RGS21: variants seen among roughly 807,000 people sequenced by gnomAD.
The protein encoded by RGS21 is regulator of G protein signaling 21, also known as regulator of G-protein signalling 21.
Under a neutral mutation model 18.7 loss-of-function variants are expected in RGS21, and 19 were observed. The observed-to-expected ratio is 1.01, with a 90% CI of 0.71 to 1.49. RGS21 has a LOEUF of 1.49. Among genes scored for constraint, RGS21 ranks in the 40% most tolerant of loss-of-function variants. RGS21 has a pLI of 0.00. For synonymous variants in RGS21, 56 were observed against 57.8 expected (o/e 0.97, Z 0.14); for missense variants, 194 against 176.8 (o/e 1.10, Z -0.55).
At chr1:192,348,475 G>T (rs1303218250) in intron 3 of RGS21, among the ~76,000 whole-genome samples, 1 of 152,138 alleles carries the variant, frequency 6.6e-6, no homozygotes, top group Non-Finnish European at 1.5e-5. Flanking sequence ...TATATCAACT[G>T]TGTTATTCTC....
intron 1 of RGS21, among the ~76,000 whole-genome samples, chr1:192,331,429 C>A (rs1389235849): frequency 6.6e-6 from 1 of 151,940 alleles, no homozygotes; most frequent in Non-Finnish European, 1.5e-5. Flanking sequence ...CGCCTGTAGT[C>A]CCAGCTACTT....
Position 192,355,618 on chromosome 1 carries a change from G to T in RGS21, c.255+3405G>T, listed in dbSNP as rs182763867. ...TATTAGAGAAATAGATATTTTTAAA[G>T]TATCTCTACTTTGTACATACTAATA... On this transcript the variant is annotated intron_variant, in intron 4 of 4. Coordinates refer to ENST00000417209, the MANE Select transcript of RGS21 (RefSeq NM_001039152.3). Among the ~76,000 whole-genome samples the T allele has an allele frequency of 1.8e-4, 27 of 151,424 alleles. No homozygotes were observed. The East Asian group carries it at 3.7e-3, about 21-fold the overall frequency.
intron 2 of RGS21, among the ~76,000 whole-genome samples, chr1:192,345,892 G>T (rs986929415): frequency 1.3e-5 from 2 of 151,904 alleles, no homozygotes; most frequent in South Asian, 2.1e-4. Context: ...TGAGTAACAG[G>T]TTATAGAGTA....
chr1:192,332,911 C>A (rs1467610973), intron 1 of RGS21, among the ~76,000 whole-genome samples: 4 of 151,628 alleles, frequency 2.6e-5, no homozygotes, highest in Admixed American at 2.6e-4. Context: ...GAGCAAGATA[C>A]TCTCCTCCTA....
intron 3 of RGS21, among the ~76,000 whole-genome samples, chr1:192,350,654 T>C (rs1659028245): frequency 6.6e-6 from 1 of 152,162 alleles, no homozygotes; most frequent in Non-Finnish European, 1.5e-5. Context: ...TCCTCAGAGA[T>C]ATACATTCTC....
chr1:192,352,115 G>A lies in RGS21; in HGVS notation c.157G>A (p.Ala53Thr), dbSNP rs1194924000. The A allele has an allele frequency of 6.2e-7, 1 of 1,610,560 alleles. No homozygotes were observed. The highest frequency in any genetic ancestry group is 1.3e-5 in the African/African-American group (1 of 74,776). Residue 53 changes from alanine (A) to threonine (T), a missense_variant, in exon 4 of 5, where the codon GCC becomes ACC. By Grantham distance (58) the Ala-to-Thr change is moderately conservative (BLOSUM62 0). Coordinates refer to ENST00000417209, the MANE Select transcript of RGS21 (RefSeq NM_001039152.3). Reference protein sequence around the residue: ...FSEENVEFWLACEDFKKTKNA... With the variant: ...FSEENVEFWLTCEDFKKTKNA... ...TGAAGAAAATGTTGAGTTCTGGCTT[G>A]CCTGTGAAGACTTTAAGAAAACGAA... is the stretch of plus-strand genomic sequence containing the variant.
chr1:192,356,631 C>T (rs551799293), intron 4 of RGS21, among the ~76,000 whole-genome samples: 1 of 151,752 alleles, frequency 6.6e-6, no homozygotes, highest in South Asian at 2.1e-4. Context: ...TAAACTGAGT[C>T]TTGGGGGAAG....
In RGS21 at chr1:192,365,904, A is replaced by C. The variant is rs757277157; in HGVS notation, c.256-17A>C. The C allele has an allele frequency of 6.9e-7, 1 of 1,440,270 alleles. No homozygotes were observed. Among genetic ancestry groups the C allele is most frequent in the Non-Finnish European group, 9.7e-7 (1 of 1,027,202 alleles). The allele number at this position is 1,440,270 out of a possible 1,614,324, so 89.2% of individuals were successfully genotyped here. ...TGATTAAACTAATTCAATGATATGC[A>C]ACCTTATTTTCCACAGATTAACATT... On this transcript the variant is annotated splice_polypyrimidine_tract_variant and intron_variant, in intron 4 of 4. Transcript: ENST00000417209.
chr1:192,354,914 A>G (rs1184810085), intron 4 of RGS21, among the ~76,000 whole-genome samples: 1 of 151,760 alleles, frequency 6.6e-6, no homozygotes, highest in African/African-American at 2.4e-5. Context: ...AACTTACTAA[A>G]TTATCCCTGA....
Position 192,352,192 on chromosome 1 carries a change from T to C in RGS21, c.234T>C (p.Ile78=). 1 of 1,608,040 alleles carries C rather than the reference T, an allele frequency of 6.2e-7. No homozygotes were observed. Among genetic ancestry groups the C allele is most frequent in the African/African-American group, 1.3e-5 (1 of 74,824 alleles). ...SKAKMIYSEF[I]EADAPKEINI... Reference sequence around the variant, plus strand: ...CCAAGATGATTTATTCTGAATTCATTGAAGCTGATGCACCTAAAGAGGTGA... The same window carrying C: ...CCAAGATGATTTATTCTGAATTCATCGAAGCTGATGCACCTAAAGAGGTGA... Residue 78 remains isoleucine, a synonymous_variant, in exon 4 of 5, where the codon ATT becomes ATC. Coordinates refer to ENST00000417209, the MANE Select transcript of RGS21 (RefSeq NM_001039152.3).
intron 1 of RGS21, among the ~76,000 whole-genome samples, chr1:192,342,448 T>C (rs1021773099): frequency 3.9e-5 from 6 of 151,984 alleles, no homozygotes; most frequent in African/African-American, 1.4e-4. Flanking sequence ...AAAAACTGCA[T>C]AAATTTCAAA....
At chr1:192,353,359 A>G (rs1256064410) in intron 4 of RGS21, among the ~76,000 whole-genome samples, 2 of 151,842 alleles carry the variant, frequency 1.3e-5, no homozygotes, top group African/African-American at 4.8e-5. Flanking sequence ...AAGCACTTTA[A>G]CTCCTGTAGA....
At chr1:192,323,951 A>C (rs1658530712) in intron 1 of RGS21, among the ~76,000 whole-genome samples, 1 of 152,152 alleles carries the variant, frequency 6.6e-6, no homozygotes, top group Admixed American at 6.6e-5. Context: ...TTGTAAGGAA[A>C]AAAAACCTGA....
intron 1 of RGS21, among the ~76,000 whole-genome samples, chr1:192,334,338 G>A (rs1416500): frequency 6.6e-6 from 1 of 151,808 alleles, no homozygotes. Flanking sequence ...TGCTATTACA[G>A]TCAAGATCAA....
rs375793652 is a variant in RGS21 at position 192,352,030 on chromosome 1, T to A, written c.89-17T>A. 5.1e-5 allele frequency: 77 copies of A among 1,521,438 alleles called. No individual in the cohort carries two copies. The highest frequency in any genetic ancestry group is 1.8e-4 in the Middle Eastern group (1 of 5,426). 94.2% of individuals were successfully genotyped at this position (1,521,438 alleles called of 1,614,324 possible). A position where few individuals can be genotyped will look rare whatever the true frequency, so the allele number is the denominator to read the frequency against. ...CTGTATGCTATTATACAAAACTTTT[T>A]CTCATATATTTTATAGCTGGTCTAG... On this transcript the variant is annotated splice_polypyrimidine_tract_variant and intron_variant, in intron 3 of 4. Transcript: ENST00000417209.
chr1:192,365,750 A>G (rs1328405657), intron 4 of RGS21, among the ~76,000 whole-genome samples, 171 bp from the exon 5 acceptor site: 1 of 152,144 alleles, frequency 6.6e-6, no homozygotes, highest in African/African-American at 2.4e-5. Context: ...TGGAAGAAAA[A>G]TAATTAAACC....
At chr1:192,346,097 CAGG>C (rs1464795083) in intron 2 of RGS21, among the ~76,000 whole-genome samples, 1 of 151,952 alleles carries the variant, frequency 6.6e-6, no homozygotes, top group East Asian at 1.9e-4. Context: ...CTGCCTACAA[CAGG>C]AGAAGGAAAT....
chr1:192,331,461 C>T (rs762701599), intron 1 of RGS21, among the ~76,000 whole-genome samples: 2 of 151,814 alleles, frequency 1.3e-5, no homozygotes, highest in South Asian at 4.1e-4. Flanking sequence ...GCAGGGGAAT[C>T]GATTGAACAT....
chr1:192,350,695 A>T (rs190337973), intron 3 of RGS21, among the ~76,000 whole-genome samples: 1 of 152,268 alleles, frequency 6.6e-6, no homozygotes, highest in Admixed American at 6.5e-5. Context: ...AAAGGGTGCA[A>T]ACTGTGACAC....
Sources: gnomAD v4.1 joint callset for allele counts (sites outside exome capture counted in the v4.1 genomes callset) on GRCh38, gnomAD v4.1.1 for gene constraint, MANE v1.5 for transcripts, NCBI Gene and HGNC (gene_info 2026-07-23, HGNC 2026-07-21) for gene names.